The following PALM2AKAP2 variants were observed in gnomAD, a reference collection of about 807,000 sequenced individuals.
PALM2AKAP2 encodes PALM2 and AKAP2 fusion, also known as PALM2-AKAP2 fusion protein.
A neutral mutation model predicts 71.5 loss-of-function variants in PALM2AKAP2; 37 were observed. The observed-to-expected ratio is 0.52, with a 90% confidence interval of 0.40 to 0.68. The LOEUF (loss-of-function observed/expected upper bound fraction) is 0.68. Among genes scored for constraint, PALM2AKAP2 ranks in the 30% least tolerant of loss-of-function variants. The probability of loss-of-function intolerance (pLI) is 0.00; values close to 1 mark genes in which losing one functional copy is unlikely to be tolerated. For synonymous variants in PALM2AKAP2, 468 were observed against 478.8 expected, an observed-to-expected ratio of 0.98 and a Z score of 0.29; for missense variants, 1,224 against 1,191.8, an observed-to-expected ratio of 1.03 and a Z score of -0.40.
intron 2 of PALM2AKAP2, among the ~76,000 whole-genome samples, chr9:109,878,739 T>G (rs141810897): frequency 6.6e-6 from 1 of 152,130 alleles, no homozygotes; most frequent in African/African-American, 2.4e-5. Flanking sequence ...ATACTAAGTG[T>G]TGGTAATTTT....
intron 1 of PALM2AKAP2, among the ~76,000 whole-genome samples, chr9:110,092,343 A>G (rs566273752): frequency 6.6e-6 from 1 of 152,184 alleles, no homozygotes; most frequent in Non-Finnish European, 1.5e-5. Flanking sequence ...AAAAAAAAGA[A>G]GTAAGATCTG....
intron 1 of PALM2AKAP2, among the ~76,000 whole-genome samples, chr9:109,780,931 C>A (rs2118794932): frequency 6.6e-6 from 1 of 152,324 alleles, no homozygotes; most frequent in Non-Finnish European, 1.5e-5. Context: ...TCTGCGGAAG[C>A]TGTCCTCCTG....
At chr9:110,071,535 C>T (rs1665427660) in intron 1 of PALM2AKAP2, among the ~76,000 whole-genome samples, 1 of 152,178 alleles carries the variant, frequency 6.6e-6, no homozygotes, top group Non-Finnish European at 1.5e-5. Flanking sequence ...TAACTCAGTT[C>T]ACTTTCTCCC....
At chr9:110,016,039 G>A in exon 7 of PALM2AKAP2, 1 of 1,613,074 alleles carries the variant, frequency 6.2e-7, no homozygotes, top group African/African-American at 1.3e-5. Flanking sequence ...TGACTATCAA[G>A]GTAAGGGATT....
intron 6 of PALM2AKAP2, among the ~76,000 whole-genome samples, chr9:109,984,727 G>A (rs1832341446): frequency 6.9e-6 from 1 of 145,934 alleles, no homozygotes; most frequent in African/African-American, 2.5e-5. Context: ...AGAAAAATCA[G>A]CTGGGTGTGG....
chr9:109,778,140 A>G (rs896977266), upstream of PALM2AKAP2, among the ~76,000 whole-genome samples: 1 of 152,228 alleles, frequency 6.6e-6, no homozygotes, highest in South Asian at 2.1e-4. Flanking sequence ...GTTGTGCTCA[A>G]TCATACCTTT....
At chr9:109,832,456 A>G (rs1248506228) in intron 1 of PALM2AKAP2, among the ~76,000 whole-genome samples, 1 of 152,150 alleles carries the variant, frequency 6.6e-6, no homozygotes, top group Non-Finnish European at 1.5e-5. Context: ...CATTCCATTC[A>G]TGTCAGCTAC....
chr9:109,775,248 A>G (rs1313404099), upstream of PALM2AKAP2, among the ~76,000 whole-genome samples: 1 of 152,244 alleles, frequency 6.6e-6, no homozygotes, highest in African/African-American at 2.4e-5. Context: ...AAGTCATCAC[A>G]GTGAAATATT....
At chr9:110,013,623 C>G (rs1832922588) in intron 6 of PALM2AKAP2, among the ~76,000 whole-genome samples, 1 of 152,146 alleles carries the variant, frequency 6.6e-6, no homozygotes. Flanking sequence ...TTCCTGCAAC[C>G]TAGTCAGAGA....
In PALM2AKAP2 at chr9:109,870,062, C is replaced by T. The variant is rs115974519; in HGVS notation, c.126+2491C>T. 6.7e-3 allele frequency among the ~76,000 whole-genome samples: 1,022 copies of T among 152,236 alleles called. 11 individuals are homozygous for T. Among genetic ancestry groups the T allele is most frequent in the African/African-American group, 0.024 (986 of 41,526 alleles). ...TCTAGTACTATCTGCAGAGAGACCC[C>T]CAGCTTTGGGAGGTCCTGAATTTCT... On this transcript the variant is annotated intron_variant, in intron 2 of 9. Coordinates refer to the PALM2AKAP2 transcript ENST00000302798.
intron 1 of PALM2AKAP2, among the ~76,000 whole-genome samples, chr9:109,846,128 G>C (rs1178623350): frequency 6.6e-6 from 1 of 152,200 alleles, no homozygotes; most frequent in Non-Finnish European, 1.5e-5. Context: ...TGAGGAGGAA[G>C]GAGGAAGAAG....
chr9:109,687,273 C>T (rs1299505806), intron 1 of PALM2AKAP2, among the ~76,000 whole-genome samples: 2 of 152,180 alleles, frequency 1.3e-5, no homozygotes, highest in Non-Finnish European at 2.9e-5. Context: ...ATGTTGAAGT[C>T]ATGCATTGAC....
intron 1 of PALM2AKAP2, among the ~76,000 whole-genome samples, chr9:109,683,792 A>T (rs1827771287): frequency 2.0e-5 from 3 of 152,048 alleles, no homozygotes; most frequent in South Asian, 4.1e-4. Flanking sequence ...CTGCTCTGTG[A>T]CTCAGGTTTT....
Position 109,732,080 on chromosome 9 carries a change from C to T in PALM2AKAP2, c.6-48408C>T, listed in dbSNP as rs559778834. 5.9e-5 allele frequency among the ~76,000 whole-genome samples: 9 copies of T among 152,310 alleles called. 1 individual carries two copies. Among genetic ancestry groups the T allele is most frequent in the Admixed American group, 1.3e-4 (2 of 15,292 alleles). ...GGACAATGAGACAGGAAGACCCCAACGAGACCTGTCTTCCTCAAAGCAAAT... is the reference window on the plus strand; with the variant it reads ...GGACAATGAGACAGGAAGACCCCAATGAGACCTGTCTTCCTCAAAGCAAAT... On this transcript the variant is annotated intron_variant, in intron 1 of 6. Transcript: ENST00000374531.
chr9:109,691,986 G>T (rs1827904268), intron 1 of PALM2AKAP2, among the ~76,000 whole-genome samples: 1 of 139,856 alleles, frequency 7.2e-6, no homozygotes, highest in Non-Finnish European at 1.5e-5. Flanking sequence ...GTATTCATTA[G>T]TTTGCTTCAG....
intron 3 of PALM2AKAP2, among the ~76,000 whole-genome samples, chr9:109,906,139 C>T (rs1027251470): frequency 2.0e-5 from 3 of 152,160 alleles, no homozygotes; most frequent in Non-Finnish European, 4.4e-5. Context: ...GGGCTCCCAC[C>T]AACCCCAGCC....
chr9:109,794,485 A>G (rs2118893455), intron 1 of PALM2AKAP2, among the ~76,000 whole-genome samples: 1 of 151,896 alleles, frequency 6.6e-6, no homozygotes, highest in East Asian at 1.9e-4. Context: ...ACTTAGTGAA[A>G]GACTAAAGGT....
intron 3 of PALM2AKAP2, among the ~76,000 whole-genome samples, chr9:109,913,251 C>A (rs1371048674): frequency 6.6e-6 from 1 of 152,142 alleles, no homozygotes; most frequent in African/African-American, 2.4e-5. Context: ...TTTATAGGAG[C>A]GATCAGCTCG....
chr9:109,707,993 C>T (rs996723307), intron 1 of PALM2AKAP2, among the ~76,000 whole-genome samples: 7 of 152,112 alleles, frequency 4.6e-5, no homozygotes, highest in African/African-American at 1.4e-4. Flanking sequence ...ATCTTCATGG[C>T]CCCTTCTCCA....
Sources: allele counts gnomAD v4.1 joint callset (sites outside exome capture counted in the v4.1 genomes callset), GRCh38; gene constraint gnomAD v4.1.1; transcripts MANE v1.5; gene names NCBI Gene and HGNC (gene_info 2026-07-23, HGNC 2026-07-21).